The following CHD7 variants were observed in gnomAD, a reference collection of about 807,000 sequenced individuals.
CHD7 encodes chromodomain helicase DNA binding protein 7, also known as ATP-dependent chromatin remodeler CHD7.
CHD7 carries 24 observed loss-of-function variants against 307.3 expected under a neutral mutation model. That is an observed-to-expected ratio of 0.08 (90% CI 0.06 to 0.11). The LOEUF (loss-of-function observed/expected upper bound fraction) is 0.11, where lower values mean the gene tolerates loss of function less well. CHD7 is among the 10% of genes least tolerant of loss of function. The pLI is 1.00. For missense variants in CHD7, 3,106 were observed against 3,727.1 expected (o/e 0.83, Z 4.34); for synonymous variants, 1,363 against 1,349.9 (o/e 1.01, Z -0.21).
chr8:60,836,814 T>C lies in CHD7; in HGVS notation c.3990-3T>C. On this transcript the variant is annotated splice_polypyrimidine_tract_variant and splice_region_variant and intron_variant, in intron 16 of 37. Coordinates refer to ENST00000423902, the MANE Select transcript of CHD7 (RefSeq NM_017780.4). ...CCTCCTTGTTCACACTGATGTTTTC[T>C]AGGTACCCATATGAAAGGATCGACG... 6.2e-7 allele frequency: 1 copy of C among 1,613,110 alleles called. No individual in the cohort carries two copies.
chr8:60,818,850 T>C (rs1166521485), intron 8 of CHD7, among the ~76,000 whole-genome samples: 1 of 152,254 alleles, frequency 6.6e-6, no homozygotes. Context: ...AATGCAGTTA[T>C]GTTATTGATA....
intron 1 of CHD7, among the ~76,000 whole-genome samples, chr8:60,722,298 T>C (rs777886084): frequency 6.6e-6 from 1 of 152,234 alleles, no homozygotes; most frequent in Non-Finnish European, 1.5e-5. Context: ...ACTGAGTTTC[T>C]AGTTCTACTC....
intron 1 of CHD7, among the ~76,000 whole-genome samples, chr8:60,713,824 G>C (rs1807406012): frequency 6.6e-6 from 1 of 152,152 alleles, no homozygotes; most frequent in African/African-American, 2.4e-5. Context: ...TCACTTCTCA[G>C]CTTAACATCT....
At chr8:60,759,951 G>A (rs1250638333) in intron 2 of CHD7, among the ~76,000 whole-genome samples, 1 of 152,046 alleles carries the variant, frequency 6.6e-6, no homozygotes, top group Middle Eastern at 3.2e-3. Context: ...AATGTTAAAT[G>A]CTATATTTTT....
chr8:60,749,765 G>A (rs1809535951), intron 2 of CHD7, among the ~76,000 whole-genome samples: 1 of 152,196 alleles, frequency 6.6e-6, no homozygotes, highest in African/African-American at 2.4e-5. Context: ...ACTTGCTGTG[G>A]CCCACTGCTA....
intron 2 of CHD7, among the ~76,000 whole-genome samples, chr8:60,766,748 A>G (rs1379098621): frequency 6.6e-6 from 1 of 152,350 alleles, no homozygotes; most frequent in East Asian, 1.9e-4. Flanking sequence ...GGAGAAATCA[A>G]GAACCTGTTT....
rs1804485415 is a variant in CHD7 at position 60,830,935 on chromosome 8, T to C, written c.3778+358T>C. Among the ~76,000 whole-genome samples, 2 of 152,170 alleles carry C rather than the reference T, an allele frequency of 1.3e-5. 1 individual carries two copies. The highest frequency in any genetic ancestry group is 4.1e-4 in the South Asian group (2 of 4,826). ...GGGGTGTGTGTATTTAAATCAGAGA[T>C]GTTAAAGAGGAACTTAGGTGTGAGC... On this transcript the variant is annotated intron_variant, in intron 15 of 37. Transcript: ENST00000423902.
At chr8:60,689,086 G>A (rs1313963666) in intron 1 of CHD7, among the ~76,000 whole-genome samples, 1 of 152,148 alleles carries the variant, frequency 6.6e-6, no homozygotes, top group African/African-American at 2.4e-5. Context: ...CAGATTGGCA[G>A]GGAAATGGAA....
At chr8:60,713,268 C>T (rs889708496) in intron 1 of CHD7, among the ~76,000 whole-genome samples, 2 of 151,952 alleles carry the variant, frequency 1.3e-5, no homozygotes, top group Non-Finnish European at 2.9e-5. Flanking sequence ...TGCGCCACCA[C>T]GCTTGGCTAA....
chr8:60,763,721 G>A (rs143319671), intron 2 of CHD7, among the ~76,000 whole-genome samples: 1 of 152,262 alleles, frequency 6.6e-6, no homozygotes, highest in Non-Finnish European at 1.5e-5. Flanking sequence ...AGGAGCAGAA[G>A]CTCTTTAAGC....
At position 60,855,880 on chromosome 8, in the gene CHD7, AT is replaced by A. The variant is rs1805675728; in HGVS notation, c.6937-91del. 3.7e-6 allele frequency: 3 copies of A among 812,550 alleles called. No homozygotes were observed. The South Asian group carries it at 5.2e-5, about 14-fold the overall frequency. 50.3% of individuals were successfully genotyped at this position (812,550 alleles called of 1,614,324 possible). A position where few individuals can be genotyped will look rare whatever the true frequency, so the allele number is the denominator to read the frequency against. ...TTTGTCCTCCAGTTGACTTTTAAACATTTTATGCTCTTTTGCATCTTGATGG... is the reference window on the plus strand; with the variant it reads ...TTTGTCCTCCAGTTGACTTTTAAACATTTATGCTCTTTTGCATCTTGATGG... On this transcript the variant is annotated intron_variant, in intron 32 of 37. Coordinates refer to ENST00000423902, the MANE Select transcript of CHD7 (RefSeq NM_017780.4).
At chr8:60,758,587 G>A (rs1026651785) in intron 2 of CHD7, among the ~76,000 whole-genome samples, 4 of 152,112 alleles carry the variant, frequency 2.6e-5, no homozygotes, top group Admixed American at 6.5e-5. Flanking sequence ...AGTTACTTTC[G>A]TTGAAGTGAT....
chr8:60,778,499 T>C (rs140042823), intron 2 of CHD7, among the ~76,000 whole-genome samples: 1 of 152,336 alleles, frequency 6.6e-6, no homozygotes, highest in East Asian at 1.9e-4. Flanking sequence ...TTTTGTGTTA[T>C]ATGTTTTATG....
chr8:60,724,648 T>A (rs1382889933), intron 1 of CHD7, among the ~76,000 whole-genome samples: 1 of 152,224 alleles, frequency 6.6e-6, no homozygotes, highest in Non-Finnish European at 1.5e-5. Flanking sequence ...CCCAAATTTC[T>A]CCTTTTTTCT....
At chr8:60,862,449 G>A (rs1806041423) in intron 36 of CHD7, 99 bp from the exon 37 acceptor site, 3 of 1,454,234 alleles carry the variant, frequency 2.1e-6, no homozygotes. Context: ...GAATGCGTGT[G>A]TGCGTGTATG....
In CHD7 at chr8:60,781,145, A is replaced by G. The variant is rs1811204503; in HGVS notation, c.1811A>G (p.Asn604Ser). The part of the protein sequence containing the change: ...PQQKKKKKKN[N>S]HIVAEDPSKG... ...CAAAAGAAGAAGAAAAAGAAAAACA[A>G]CCACATTGTAGCAGAGGATCCCAGT... The change falls in exon 3 of 38, where the codon AAC becomes AGC. Residue 604 changes from asparagine (N) to serine (S), a missense_variant. Physicochemically the swap from Asn to Ser is conservative, Grantham distance 46 (BLOSUM62 1). Transcript: ENST00000423902. 8.7e-6 allele frequency: 14 copies of G among 1,609,492 alleles called. No individual in the cohort carries two copies. The highest frequency in any genetic ancestry group is 1.2e-5 in the Non-Finnish European group (14 of 1,177,796).
chr8:60,724,276 A>T (rs1303405718), intron 1 of CHD7, among the ~76,000 whole-genome samples: 1 of 152,232 alleles, frequency 6.6e-6, no homozygotes, highest in Admixed American at 6.5e-5. Context: ...TTACAGCACA[A>T]GAGTTCAGAA....
At chr8:60,731,143 T>C (rs1808434609) in intron 1 of CHD7, among the ~76,000 whole-genome samples, 1 of 152,048 alleles carries the variant, frequency 6.6e-6, no homozygotes, top group Non-Finnish European at 1.5e-5. Flanking sequence ...AGTGCAAGAG[T>C]AGTGATGCTG....
Position 60,836,182 on chromosome 8 carries a change from C to T in CHD7, c.3888C>T (p.Asp1296=), listed in dbSNP as rs1368062920. The change falls in exon 16 of 38, where the codon GAC becomes GAT. Residue 1296 remains aspartate (D), a synonymous_variant. Coordinates refer to ENST00000423902, the MANE Select transcript of CHD7 (RefSeq NM_017780.4). ...IQAAGKLVLI[D]KLLPKLKAGG... The stretch of plus-strand genomic sequence containing the variant: ...CTGCTGGCAAGCTAGTGCTGATTGA[C>T]AAGCTGCTGCCAAAACTGAAGGCTG... 1 of 1,613,854 alleles carries T rather than the reference C, an allele frequency of 6.2e-7. No individual in the cohort carries two copies. The highest frequency in any genetic ancestry group is 1.3e-5 in the African/African-American group (1 of 74,942).
Sources: gnomAD v4.1 joint callset for allele counts (sites outside exome capture counted in the v4.1 genomes callset) on GRCh38, gnomAD v4.1.1 for gene constraint, MANE v1.5 for transcripts, NCBI Gene and HGNC (gene_info 2026-07-23, HGNC 2026-07-21) for gene names.